RUNX2: variants seen among roughly 807,000 people sequenced by gnomAD.
RUNX2 encodes RUNX family transcription factor 2.
Under a neutral mutation model 51.7 loss-of-function variants are expected in RUNX2, and 10 were observed. The observed-to-expected ratio is 0.19, with a 90% CI of 0.12 to 0.33. The LOEUF (loss-of-function observed/expected upper bound fraction) is 0.33, where lower values mean the gene tolerates loss of function less well. RUNX2 is among the 10% of genes least tolerant of loss of function. The probability of loss-of-function intolerance (pLI) is 1.00; values close to 1 mark genes in which losing one functional copy is unlikely to be tolerated. For missense variants in RUNX2, 562 were observed against 691.3 expected, an observed-to-expected ratio of 0.81 and a Z score of 2.10; for synonymous variants, 276 against 273.6, an observed-to-expected ratio of 1.01 and a Z score of -0.09.
chr6:45,507,215 G>A (rs1347923987), intron 6 of RUNX2, among the ~76,000 whole-genome samples: 1 of 152,162 alleles, frequency 6.6e-6, no homozygotes, highest in Non-Finnish European at 1.5e-5. Flanking sequence ...CTCTGGGTGA[G>A]GCAGGGTGAC....
chr6:45,455,978 T>C lies in RUNX2; in HGVS notation c.685+17927T>C, dbSNP rs565467763. 8.7e-4 allele frequency among the ~76,000 whole-genome samples: 132 copies of C among 152,330 alleles called. 1 individual carries two copies. Among genetic ancestry groups the C allele is most frequent in the Non-Finnish European group, 1.6e-3 (111 of 68,022 alleles). On this transcript the variant is annotated intron_variant, in intron 5 of 8. Coordinates refer to ENST00000647337, the MANE Select transcript of RUNX2 (RefSeq NM_001024630.4). The stretch of plus-strand genomic sequence containing the variant: ...TTCTGTTTTGGTGAAAATACGACAT[T>C]GTTAGGACTAGTAACAAAAGCATAT...
At chr6:45,505,106 A>G (rs972925747) in intron 6 of RUNX2, among the ~76,000 whole-genome samples, 1 of 152,190 alleles carries the variant, frequency 6.6e-6, no homozygotes, top group African/African-American at 2.4e-5. Context: ...TCCCGTCTGC[A>G]TCAAGTTCAG....
chr6:45,517,216 C>T (rs1563120578), intron 7 of RUNX2, among the ~76,000 whole-genome samples: 1 of 152,134 alleles, frequency 6.6e-6, no homozygotes, highest in East Asian at 1.9e-4. Flanking sequence ...GGGTCTTGCT[C>T]TATTGCTCAG....
chr6:45,486,079 G>A (rs760357578), intron 5 of RUNX2, among the ~76,000 whole-genome samples: 3 of 152,078 alleles, frequency 2.0e-5, no homozygotes, highest in Non-Finnish European at 4.4e-5. Context: ...TGGTTGCCAT[G>A]ATATTTAACC....
chr6:45,403,484 C>T (rs1797764922), intron 2 of RUNX2, among the ~76,000 whole-genome samples: 2 of 152,146 alleles, frequency 1.3e-5, no homozygotes, highest in Admixed American at 1.3e-4. Flanking sequence ...CCGCCCGCCT[C>T]AGCATCTCAA....
chr6:45,471,803 G>A (rs915282974), intron 5 of RUNX2, among the ~76,000 whole-genome samples: 6 of 152,194 alleles, frequency 3.9e-5, no homozygotes, highest in Admixed American at 3.3e-4. Flanking sequence ...CATCAAAATC[G>A]GAAGTTAGGT....
At chr6:45,337,165 GAAC>G (rs1210656881) in intron 2 of RUNX2, among the ~76,000 whole-genome samples, 1 of 151,612 alleles carries the variant, frequency 6.6e-6, no homozygotes. Flanking sequence ...CATATGAACA[GAAC>G]AACATGCCAA....
intron 2 of RUNX2, among the ~76,000 whole-genome samples, chr6:45,350,419 G>T (rs1344407838): frequency 6.6e-6 from 1 of 152,202 alleles, no homozygotes; most frequent in African/African-American, 2.4e-5. Context: ...TAGGTAATTT[G>T]TAATACACAC....
intron 2 of RUNX2, among the ~76,000 whole-genome samples, chr6:45,375,653 CT>C (rs1369286654): frequency 1.3e-5 from 2 of 152,150 alleles, no homozygotes; most frequent in Non-Finnish European, 2.9e-5. Context: ...AAGAGATCCT[CT>C]GGCCTCAGCC....
Position 45,533,258 on chromosome 6 carries a change from A to G in RUNX2, c.1022-11959A>G, listed in dbSNP as rs1320476615. The stretch of plus-strand genomic sequence containing the variant: ...TTGTTTATCTCCTGCAACAAGGAAA[A>G]TTTCGCTATTTGGCTTTGGCTGTTT... On this transcript the variant is annotated intron_variant, in intron 7 of 8. Transcript: ENST00000647337. Among the ~76,000 whole-genome samples, 3 of 152,140 alleles carry G rather than the reference A, an allele frequency of 2.0e-5. No individual in the cohort carries two copies. In the East Asian group the frequency reaches 5.8e-4, roughly 29 times the overall value.
At chr6:45,473,224 C>A (rs369125251) in intron 5 of RUNX2, among the ~76,000 whole-genome samples, 3 of 152,176 alleles carry the variant, frequency 2.0e-5, no homozygotes, top group East Asian at 3.9e-4. Flanking sequence ...AGAATTTACA[C>A]AAGGGAGTGG....
rs144949904 is a variant in RUNX2, at chr6:45,394,472, G to A, written c.59-28121G>A. ...CCCTAGAGACTCCTTTTTAAGTAGGGTCTGAAGCTTACAGATCTTTTAGCT... is the reference window on the plus strand; with the variant it reads ...CCCTAGAGACTCCTTTTTAAGTAGGATCTGAAGCTTACAGATCTTTTAGCT... On this transcript the variant is annotated intron_variant, in intron 2 of 8. Transcript: ENST00000647337. Among the ~76,000 whole-genome samples the A allele has an allele frequency of 2.4e-4, 37 of 152,236 alleles. No individual in the cohort carries two copies. In the East Asian group the frequency reaches 5.8e-3, roughly 24 times the overall value.
chr6:45,409,892 A>G (rs1332436768), intron 2 of RUNX2, among the ~76,000 whole-genome samples: 2 of 152,236 alleles, frequency 1.3e-5, no homozygotes, highest in African/African-American at 4.8e-5. Context: ...TGGAATGCAT[A>G]TATGTCAACA....
intron 5 of RUNX2, among the ~76,000 whole-genome samples, chr6:45,467,482 A>T (rs1302696777): frequency 6.6e-6 from 1 of 151,856 alleles, no homozygotes; most frequent in African/African-American, 2.4e-5. Context: ...GGGTTTCACT[A>T]TGTTGGCCAG....
At chr6:45,347,647 G>GA (rs988506512) in intron 2 of RUNX2, among the ~76,000 whole-genome samples, 107 of 151,740 alleles carry the variant, frequency 7.1e-4, no homozygotes, top group African/African-American at 2.6e-3. Flanking sequence ...ACATGACAGA[G>GA]AAAAAAATTT....
chr6:45,510,733 CAG>C (rs1269550290), intron 6 of RUNX2, among the ~76,000 whole-genome samples: 1 of 151,200 alleles, frequency 6.6e-6, no homozygotes, highest in African/African-American at 2.4e-5. Context: ...CTATGTCACC[CAG>C]AGTTTTTTTT....
At chr6:45,496,244 G>C (rs1800644387) in intron 6 of RUNX2, among the ~76,000 whole-genome samples, 1 of 152,110 alleles carries the variant, frequency 6.6e-6, no homozygotes, top group African/African-American at 2.4e-5. Flanking sequence ...TCAGGCCCTT[G>C]GGTTTGGTGG....
At chr6:45,428,115 T>A (rs952816895) in intron 3 of RUNX2, among the ~76,000 whole-genome samples, 3 of 152,200 alleles carry the variant, frequency 2.0e-5, no homozygotes, top group Admixed American at 6.5e-5. Flanking sequence ...ACTTTTGTAT[T>A]GGGTAGGATG....
intron 2 of RUNX2, among the ~76,000 whole-genome samples, chr6:45,334,449 C>CAAAAAAAAAAAAAAAA (rs551014969): frequency 1.1e-5 from 1 of 91,760 alleles, no homozygotes; most frequent in African/African-American, 4.3e-5. Flanking sequence ...TCAGGAAAAG[C>CAAAAAAAAAAAAAAAA]AAAAAAAAAA....
Sources: allele counts gnomAD v4.1 joint callset (sites outside exome capture counted in the v4.1 genomes callset), GRCh38; gene constraint gnomAD v4.1.1; transcripts MANE v1.5; gene names NCBI Gene and HGNC (gene_info 2026-07-23, HGNC 2026-07-21).